CENPF: variants seen among roughly 807,000 people sequenced by gnomAD.
The protein encoded by CENPF is centromere protein F, also known as AH antigen.
In CENPF, 214 loss-of-function variants were observed where a neutral mutation model predicts 307.3. The ratio of observed to expected loss-of-function variants is 0.70; its 90% confidence interval spans 0.62 to 0.78. The LOEUF is 0.78. Ranked by LOEUF, CENPF falls within the 30% of genes least tolerant of loss-of-function variation. CENPF has a pLI of 0.00. For missense variants in CENPF, 3,401 were observed against 3,483.9 expected (o/e 0.98, Z 0.60); for synonymous variants, 1,259 against 1,270.6 (o/e 0.99, Z 0.19).
chr1:214,629,025 A>G, intron 7 of CENPF, 21 bp from the exon 8 acceptor site: 2 of 1,526,086 alleles, frequency 1.3e-6, no homozygotes, highest in South Asian at 1.3e-5. Context: ...TTTTGTCTTG[A>G]ACATTTTTAT....
At chr1:214,663,555 G>A in intron 19 of CENPF, 36 bp from the exon 20 acceptor site, 1 of 1,597,242 alleles carries the variant, frequency 6.3e-7, no homozygotes, top group Non-Finnish European at 8.6e-7. Context: ...AAATGTGAAT[G>A]TGATTGAACC....
chr1:214,613,027 C>A, intron 1 of CENPF: 2 of 336,020 alleles, frequency 6.0e-6, no homozygotes, highest in South Asian at 3.6e-5. Flanking sequence ...TCATTAGGCA[C>A]CAAAGCTCTT....
Position 214,652,879 on chromosome 1 carries a change from T to C in CENPF, c.8212T>C (p.Cys2738Arg), listed in dbSNP as rs1248167611. Residue 2738 changes from cysteine to arginine, a missense_variant, in exon 16 of 20, where the codon TGT (cysteine) becomes CGT (arginine). Cys to Arg is a radical substitution (Grantham distance 180). Coordinates refer to ENST00000366955, the MANE Select transcript of CENPF (RefSeq NM_016343.4). ...YREKLTSKEE[C>R]LSSQKLEIDL... ...AGAGAAATTGACTTCTAAAGAAGAA[T>C]GTCTCAGTTCACAGAAGCTGGAGAT... 1 of 1,606,320 alleles carries C rather than the reference T, an allele frequency of 6.2e-7. No individual in the cohort carries two copies. Among genetic ancestry groups the C allele is most frequent in the Non-Finnish European group, 8.5e-7 (1 of 1,177,726 alleles).
Position 214,646,438 on chromosome 1 carries a change from G to A in CENPF, c.6868G>A (p.Asp2290Asn), listed in dbSNP as rs557733723. 34 of 1,614,038 alleles carry A rather than the reference G, an allele frequency of 2.1e-5. No individual in the cohort carries two copies. In the African/African-American group the frequency reaches 3.7e-4, roughly 18 times the overall value. The stretch of plus-strand genomic sequence containing the variant: ...TATGAAGGCCACAGAACAGAGTCTA[G>A]ACCCACCAATAGAGGAAGAGCATCA... ...EIMKATEQSL[D>N]PPIEEEHQLR... Residue 2290 changes from aspartate (D) to asparagine (N), a missense_variant, in exon 13 of 20, where the codon GAC becomes AAC. By Grantham distance (23) the Asp-to-Asn change is conservative (BLOSUM62 1). Transcript: ENST00000366955.
At chr1:214,610,135 G>A (rs1657161558) in intron 1 of CENPF, among the ~76,000 whole-genome samples, 1 of 151,806 alleles carries the variant, frequency 6.6e-6, no homozygotes, top group Non-Finnish European at 1.5e-5. Flanking sequence ...TGGGATTACA[G>A]GCATGAGCCA....
At position 214,663,686 on chromosome 1, in the gene CENPF, T is replaced by G; in HGVS notation, c.9237T>G (p.Ser3079Arg). 2.5e-6 allele frequency: 4 copies of G among 1,613,662 alleles called. No individual in the cohort carries two copies. The highest frequency in any genetic ancestry group is 3.4e-6 in the Non-Finnish European group (4 of 1,179,962). Residue 3079 changes from serine to arginine, a missense_variant, in exon 20 of 20, where the codon AGT becomes AGG. By Grantham distance (110) the Ser-to-Arg change is moderately radical. Transcript: ENST00000366955. ...SVPVNNLPER[S>R]PTDSPREGLR... ...CAGTCAATAATCTTCCTGAGAGAAG[T>G]CCGACTGACAGCCCCAGAGAGGGCC...
chr1:214,648,077 T>G (rs554355002), intron 13 of CENPF: 18 of 399,894 alleles, frequency 4.5e-5, no homozygotes, highest in Non-Finnish European at 8.6e-5. Flanking sequence ...TTGTCACACT[T>G]AATTCTTGCT....
Position 214,640,194 on chromosome 1 carries a change from T to C in CENPF, c.1856T>C (p.Phe619Ser), listed in dbSNP as rs770366150. Residue 619 changes from phenylalanine to serine, a missense_variant, in exon 12 of 20, where the codon TTT becomes TCT. Transcript: ENST00000366955. ...GAATTGAAAGAAGAGAAAACTCTGT[T>C]TTCTTGTTGGAAAAGTGAAAACGAA... The part of the protein sequence containing the change: ...YEELKEEKTL[F>S]SCWKSENEKL... 3.1e-6 allele frequency: 5 copies of C among 1,598,074 alleles called. No individual in the cohort carries two copies. The highest frequency in any genetic ancestry group is 4.3e-6 in the Non-Finnish European group (5 of 1,176,206).
intron 7 of CENPF, among the ~76,000 whole-genome samples, chr1:214,623,322 G>A (rs913743957): frequency 4.6e-5 from 7 of 152,080 alleles, no homozygotes; most frequent in African/African-American, 1.7e-4. Flanking sequence ...ATAGTATTAG[G>A]TATTATAAGT....
rs1658241951 is a variant in CENPF at position 214,644,905 on chromosome 1, AC to A, written c.5336del (p.Thr1779AsnfsTer6). 1 of 1,613,870 alleles carries A rather than the reference AC, an allele frequency of 6.2e-7. No homozygotes were observed. The highest frequency in any genetic ancestry group is 8.5e-7 in the Non-Finnish European group (1 of 1,179,978). ...TAATCTTCAACTGCGGGTAAAAGAG[AC>A]ATCAAATGAGAATTTGAGATTACTT... is the stretch of plus-strand genomic sequence containing the variant. ...IHNLQLRVKE[T>X]SNENLRLLHV... On this transcript the variant is annotated frameshift_variant, in exon 13 of 20. Transcript: ENST00000366955. LOFTEE classifies it high-confidence loss of function.
chr1:214,610,741 G>A (rs1657175729), intron 1 of CENPF, among the ~76,000 whole-genome samples: 1 of 152,112 alleles, frequency 6.6e-6, no homozygotes, highest in Non-Finnish European at 1.5e-5. Flanking sequence ...TAGTGTCTTT[G>A]TCATGAAATA....
At chr1:214,615,229 A>G in intron 3 of CENPF, 1 of 432,312 alleles carries the variant, frequency 2.3e-6, no homozygotes, top group South Asian at 3.7e-5. Flanking sequence ...TTATCATTGC[A>G]TAGCTCAGTA....
At chr1:214,661,017 C>G (rs111612071) in intron 19 of CENPF, among the ~76,000 whole-genome samples, 7 of 152,180 alleles carry the variant, frequency 4.6e-5, no homozygotes, top group African/African-American at 1.4e-4. Context: ...TTTTCTGTTG[C>G]GAAGAACTGA....
intron 15 of CENPF, 93 bp from the exon 16 acceptor site, chr1:214,652,735 G>A (rs1253438442): frequency 2.9e-5 from 32 of 1,115,602 alleles, no homozygotes; most frequent in South Asian, 3.3e-5. Flanking sequence ...GAAACACTGC[G>A]CCCAGCTGTT....
At chr1:214,623,373 G>C (rs1302511763) in intron 7 of CENPF, among the ~76,000 whole-genome samples, 1 of 152,096 alleles carries the variant, frequency 6.6e-6, no homozygotes, top group Non-Finnish European at 1.5e-5. Context: ...GATGTGCATA[G>C]GTTATGTGCA....
At chr1:214,630,405 A>G in intron 8 of CENPF, 129 bp from the exon 9 acceptor site, 1 of 1,086,970 alleles carries the variant, frequency 9.2e-7, no homozygotes, top group Non-Finnish European at 1.3e-6. Context: ...CGTTAAGTGG[A>G]CAGTTGGCTC....
In CENPF at chr1:214,642,298, G is replaced by A; in HGVS notation, c.3960G>A (p.Glu1320=). 6 of 1,613,780 alleles carry A rather than the reference G, an allele frequency of 3.7e-6. No homozygotes were observed. Among genetic ancestry groups the A allele is most frequent in the South Asian group, 1.1e-5 (1 of 90,946 alleles). ...CTGAAAAGTATGAACTCGTAACTGA[G>A]CTGAATGATTCAAGGTCAGAATGTA... ...LQAEKYELVT[E]LNDSRSECIT... is the part of the protein sequence containing the mutation. The change falls in exon 12 of 20, where the codon GAG becomes GAA. Residue 1320 remains glutamate (E), a synonymous_variant. Coordinates refer to ENST00000366955, the MANE Select transcript of CENPF (RefSeq NM_016343.4).
rs141181546 is a variant in CENPF, at chr1:214,615,126, AT to A, written c.359+106del. ...AACAATATAATTATTATACTTTGCA[AT>A]TTTTTTTCCTGGTAGAATAAGTAAT... On this transcript the variant is annotated intron_variant, in intron 3 of 19. Coordinates refer to ENST00000366955, the MANE Select transcript of CENPF (RefSeq NM_016343.4). 1,046 of 789,720 alleles carry A rather than the reference AT, an allele frequency of 1.3e-3. 4 individuals carry two copies. In the African/African-American group the frequency reaches 0.016, roughly 12 times the overall value. The allele number at this position is 789,720 out of a possible 1,614,324, so 48.9% of individuals were successfully genotyped here.
rs756532389 is a variant in CENPF at position 214,642,614 on chromosome 1, T to A, written c.4276T>A (p.Cys1426Ser). 1 of 1,613,034 alleles carries A rather than the reference T, an allele frequency of 6.2e-7. No homozygotes were observed. Among genetic ancestry groups the A allele is most frequent in the South Asian group, 1.1e-5 (1 of 90,916 alleles). The change falls in exon 12 of 20, where the codon TGT (cysteine) becomes AGT (serine). Residue 1426 changes from cysteine to serine, a missense_variant. Transcript: ENST00000366955. ...SEHKILHDQH[C>S]QMSSKMSELQ... ...ACACAAAATTTTACATGATCAGCAC[T>A]GTCAGATGAGCTCTAAAATGTCAGA...
Sources: gnomAD v4.1 joint callset for allele counts (sites outside exome capture counted in the v4.1 genomes callset) on GRCh38, gnomAD v4.1.1 for gene constraint, MANE v1.5 for transcripts, NCBI Gene and HGNC (gene_info 2026-07-23, HGNC 2026-07-21) for gene names.